The following PCDHA5 variants were observed in gnomAD, a reference collection of about 807,000 sequenced individuals.
PCDHA5 encodes the protein protocadherin alpha 5.
PCDHA5 carries 43 observed loss-of-function variants against 61.6 expected under a neutral mutation model. That is an observed-to-expected ratio of 0.70 (90% CI 0.55 to 0.90). The LOEUF is 0.90. PCDHA5 is among the 40% of genes least tolerant of loss of function. PCDHA5 has a pLI of 0.00. For missense variants in PCDHA5, 1,298 were observed against 1,222.7 expected, an observed-to-expected ratio of 1.06 and a Z score of -0.92; for synonymous variants, 627 against 543.9, an observed-to-expected ratio of 1.15 and a Z score of -2.13.
At chr5:140,884,410 G>A (rs1562804321) in intron 1 of PCDHA5, 1 of 1,614,004 alleles carries the variant, frequency 6.2e-7, no homozygotes, top group Non-Finnish European at 8.5e-7. Context: ...TGGTGCTCAC[G>A]TTGCTGCTGT....
intron 1 of PCDHA5, among the ~76,000 whole-genome samples, chr5:140,916,163 C>T (rs546851152): frequency 4.6e-5 from 7 of 152,184 alleles, no homozygotes; most frequent in Admixed American, 1.3e-4. Context: ...TGAATGCTGC[C>T]AGGCCTGGGA....
At chr5:140,843,313 G>T (rs1554139942) in intron 1 of PCDHA5, 3 of 1,595,962 alleles carry the variant, frequency 1.9e-6, no homozygotes, top group Admixed American at 1.7e-5. Context: ...CCACGGCCAC[G>T]GTTCTGGTGT....
At chr5:140,877,276 G>T (rs1038142877) in intron 1 of PCDHA5, 4 of 1,613,744 alleles carry the variant, frequency 2.5e-6, no homozygotes, top group Admixed American at 1.7e-5. Flanking sequence ...CGCTGACTCC[G>T]GCTATAACGC....
rs2150305590 is a variant in PCDHA5, at chr5:140,840,302, C to A, written c.2352+16175C>A. Among the ~76,000 whole-genome samples, 18 of 151,968 alleles carry A rather than the reference C, an allele frequency of 1.2e-4. No individual in the cohort carries two copies. The East Asian group carries it at 3.3e-3, about 28-fold the overall frequency. ...TTTGGGTGATTATTGATTAGATATTCTTTTAACTTTGGTCGACTCATTTTC... is the reference window on the plus strand; with the variant it reads ...TTTGGGTGATTATTGATTAGATATTATTTTAACTTTGGTCGACTCATTTTC... On this transcript the variant is annotated intron_variant, in intron 1 of 3. Transcript: ENST00000529859.
intron 1 of PCDHA5, chr5:140,829,004 C>T (rs2150161840): frequency 4.3e-6 from 7 of 1,613,616 alleles, no homozygotes; most frequent in African/African-American, 4.0e-5. Flanking sequence ...AATAGTGATT[C>T]GGGGTAATTT....
intron 1 of PCDHA5, chr5:140,842,515 G>A (rs2150337754): frequency 5.6e-6 from 9 of 1,613,534 alleles, no homozygotes; most frequent in Non-Finnish European, 1.7e-6. Flanking sequence ...TCAAGCTGGT[G>A]TCCACCTTCA....
chr5:140,870,288 G>A (rs782327278), intron 1 of PCDHA5: 4 of 1,614,090 alleles, frequency 2.5e-6, no homozygotes, highest in Admixed American at 3.3e-5. Flanking sequence ...TTCCCTTCAA[G>A]CTGGTGTCCA....
rs2150375688 is a variant in PCDHA5, at chr5:140,844,999, T to C, written c.2352+20872T>C. 8.7e-5 allele frequency among the ~76,000 whole-genome samples: 13 copies of C among 149,338 alleles called. 1 individual carries two copies. Among genetic ancestry groups the C allele is most frequent in the African/African-American group, 4.9e-5 (2 of 40,784 alleles). ...TTGTTTTAAATCTTTTAATCACTTA[T>C]GAACAAATAATGTAATCATTTATGG... On this transcript the variant is annotated intron_variant, in intron 1 of 3. Transcript: ENST00000529859.
intron 3 of PCDHA5, among the ~76,000 whole-genome samples, chr5:140,988,127 C>T (rs1285717954): frequency 2.0e-5 from 3 of 152,120 alleles, no homozygotes; most frequent in African/African-American, 7.2e-5. Flanking sequence ...GCATGCTGTT[C>T]CACTAACCTG....
chr5:140,930,985 A>G (rs2087229279), intron 1 of PCDHA5, among the ~76,000 whole-genome samples: 1 of 152,110 alleles, frequency 6.6e-6, no homozygotes, highest in Non-Finnish European at 1.5e-5. Context: ...TTTCTTCCTC[A>G]TGACCTACAC....
At chr5:140,920,767 C>T (rs1484117906) in intron 1 of PCDHA5, among the ~76,000 whole-genome samples, 1 of 151,632 alleles carries the variant, frequency 6.6e-6, no homozygotes. Context: ...TTGCTTACAC[C>T]TGGGAGGTGG....
intron 1 of PCDHA5, chr5:140,927,708 A>G: frequency 6.2e-7 from 1 of 1,614,202 alleles, no homozygotes; most frequent in Non-Finnish European, 8.5e-7. Context: ...AGTACTCCCT[A>G]AGCAACAGCA....
chr5:141,010,107 C>T lies in PCDHA5; in HGVS notation c.*170C>T, dbSNP rs1457376249. On this transcript the variant is annotated 3_prime_UTR_variant, in exon 4 of 4. Coordinates refer to ENST00000529859, the MANE Select transcript of PCDHA5 (RefSeq NM_018908.3). ...CTAGAACGCATTTAACAGGTTTTGT[C>T]GTAAAAGCTTTACTAAGTCTGGTGT... 8.1e-6 allele frequency: 13 copies of T among 1,611,484 alleles called. No individual in the cohort carries two copies. Among genetic ancestry groups the T allele is most frequent in the South Asian group, 4.4e-5 (4 of 90,776 alleles).
At chr5:140,868,907 AC>A in intron 1 of PCDHA5, 2 of 869,128 alleles carry the variant, frequency 2.3e-6, no homozygotes, top group Non-Finnish European at 3.4e-6. Flanking sequence ...GTCGCTCTTT[AC>A]TTGGTGGAAA....
Position 140,828,413 on chromosome 5 carries a change from G to A in PCDHA5, c.2352+4286G>A, listed in dbSNP as rs2150155063. ...CGCGGAGTGCAGCATCCACCTGGAG[G>A]TGATCGTGGACAGGCCGCTGCAGGT... is the stretch of plus-strand genomic sequence containing the variant. On this transcript the variant is annotated intron_variant, in intron 1 of 3. Transcript: ENST00000529859. 3.3e-5 allele frequency: 54 copies of A among 1,614,278 alleles called. No homozygotes were observed. The Admixed American group carries it at 8.7e-4, about 26-fold the overall frequency.
chr5:140,868,990 G>A (rs1554162367), intron 1 of PCDHA5: 39 of 1,511,606 alleles, frequency 2.6e-5, no homozygotes, highest in Non-Finnish European at 2.4e-5. Flanking sequence ...GGATGCCACC[G>A]TTTAAGGATC....
At chr5:140,963,146 T>C (rs1230280019) in intron 1 of PCDHA5, among the ~76,000 whole-genome samples, 2 of 152,074 alleles carry the variant, frequency 1.3e-5, no homozygotes, top group African/African-American at 4.8e-5. Flanking sequence ...TTTGGATGAA[T>C]TTAAAAATGA....
chr5:140,857,273 G>A, intron 1 of PCDHA5: 3 of 1,598,730 alleles, frequency 1.9e-6, no homozygotes, highest in Middle Eastern at 1.7e-4. Context: ...ATTGGTGCTG[G>A]ACAGCGCTCT....
intron 1 of PCDHA5, among the ~76,000 whole-genome samples, chr5:140,894,192 T>C (rs1554185971): frequency 4.6e-5 from 7 of 152,168 alleles, no homozygotes; most frequent in Non-Finnish European, 1.5e-5. Flanking sequence ...TTATATATTT[T>C]TTCTATGCTA....
Sources: allele counts gnomAD v4.1 joint callset (sites outside exome capture counted in the v4.1 genomes callset), GRCh38; gene constraint gnomAD v4.1.1; transcripts MANE v1.5; gene names NCBI Gene and HGNC (gene_info 2026-07-23, HGNC 2026-07-21).